Variants in SRGAP2C observed in about 807,000 individuals in gnomAD.
SRGAP2C encodes the protein SLIT-ROBO Rho GTPase-activating protein 2C.
In SRGAP2C, 15 loss-of-function variants were observed where a neutral mutation model predicts 25.1. The ratio of observed to expected loss-of-function variants is 0.60; its 90% CI spans 0.40 to 0.92. The LOEUF (loss-of-function observed/expected upper bound fraction) is 0.92, where lower values mean the gene tolerates loss of function less well. Ranked by LOEUF, SRGAP2C falls within the 40% of genes least tolerant of loss-of-function variation. The pLI is 0.00. For synonymous variants in SRGAP2C, 44 were observed against 96.6 expected, an observed-to-expected ratio of 0.46 and a Z score of 3.19; for missense variants, 144 against 264.4, an observed-to-expected ratio of 0.54 and a Z score of 3.16.
rs1656934014 is a variant in SRGAP2C at position 121,270,905 on chromosome 1, G to A, written c.68-13898G>A. 4.0e-5 allele frequency among the ~76,000 whole-genome samples: 6 copies of A among 149,744 alleles called. No homozygotes were observed. The Admixed American group carries it at 4.0e-4, about 10-fold the overall frequency. ...CCTCCCGGGTTCACGCCATTCTCCT[G>A]CCTCAGCCTCCTGAGTAGCTGGGAC... is the stretch of plus-strand genomic sequence containing the variant. On this transcript the variant is annotated intron_variant, in intron 2 of 9. Transcript: ENST00000367123.
chr1:121,264,858 T>G (rs1268812495), intron 2 of SRGAP2C, among the ~76,000 whole-genome samples: 5 of 113,224 alleles, frequency 4.4e-5, no homozygotes, highest in Non-Finnish European at 9.1e-5. Flanking sequence ...GGAGTCTGAC[T>G]AAAAAGACTT....
chr1:121,212,128 T>G (rs1553323896), intron 2 of SRGAP2C, among the ~76,000 whole-genome samples: 1 of 115,268 alleles, frequency 8.7e-6, no homozygotes, highest in Non-Finnish European at 1.7e-5. Context: ...GCTGTATTTT[T>G]TTTTTTTTTT....
At chr1:121,210,324 A>G (rs56337822) in intron 2 of SRGAP2C, among the ~76,000 whole-genome samples, 28,840 of 150,126 alleles carry the variant, frequency 0.19, 3,418 homozygotes, top group Non-Finnish European at 0.26. Context: ...CTTTAAAAAA[A>G]AAAAAAAAGA....
In SRGAP2C at chr1:121,272,171, A is replaced by AAG. The variant is rs1377349383; in HGVS notation, c.68-12631_68-12630insGA. Among the ~76,000 whole-genome samples the AAG allele has an allele frequency of 1.1e-4, 7 of 64,422 alleles. 1 individual carries two copies. Among genetic ancestry groups the AAG allele is most frequent in the African/African-American group, 4.1e-4 (7 of 17,118 alleles). 42.3% of individuals were successfully genotyped at this position (64,422 alleles called of 152,430 possible). A position where few individuals can be genotyped will look rare whatever the true frequency, so the allele number is the denominator to read the frequency against. On this transcript the variant is annotated intron_variant, in intron 2 of 9. Coordinates refer to ENST00000367123, the MANE Select transcript of SRGAP2C (RefSeq NM_001329984.2). ...GCGAGACTCCATCTCAAAAAAAAAA[A>AAG]AAAAAAAGAAGAAGAAATGTATGTA...
At chr1:121,191,799 G>C (rs1286004888) in intron 2 of SRGAP2C, among the ~76,000 whole-genome samples, 1 of 148,650 alleles carries the variant, frequency 6.7e-6, no homozygotes, top group African/African-American at 2.5e-5. Context: ...GAGATTGACA[G>C]TTCATGCAAA....
intron 2 of SRGAP2C, among the ~76,000 whole-genome samples, chr1:121,222,114 C>G (rs1553325734): frequency 2.0e-5 from 3 of 151,906 alleles, no homozygotes; most frequent in Non-Finnish European, 4.4e-5. Flanking sequence ...GCAACTATCC[C>G]ATACCACCTT....
intron 6 of SRGAP2C, among the ~76,000 whole-genome samples, chr1:121,374,622 T>C (rs1659588702): frequency 6.6e-6 from 1 of 152,160 alleles, no homozygotes; most frequent in East Asian, 1.9e-4. Context: ...GCATCTTAAG[T>C]AGGGAGCCTC....
chr1:121,387,910 G>A lies in SRGAP2C; in HGVS notation c.*55G>A. On this transcript the variant is annotated 3_prime_UTR_variant, in exon 10 of 10. Transcript: ENST00000367123. ...GGGAGATTTGGAACTCAGAGTCCTT[G>A]TTAAGTGTCTGAAGGACAGGCATTG... 2.6e-6 allele frequency: 2 copies of A among 779,500 alleles called. No homozygotes were observed. The highest frequency in any genetic ancestry group is 2.3e-4 in the Middle Eastern group (1 of 4,414). The allele number at this position is 779,500 out of a possible 1,614,324, so 48.3% of individuals were successfully genotyped here.
At chr1:121,334,488 T>G (rs1658470424) in intron 4 of SRGAP2C, among the ~76,000 whole-genome samples, 1 of 150,266 alleles carries the variant, frequency 6.7e-6, no homozygotes, top group Non-Finnish European at 1.5e-5. Flanking sequence ...TTTAAAGAGA[T>G]GGAGTCTCTG....
intron 3 of SRGAP2C, among the ~76,000 whole-genome samples, chr1:121,297,382 AC>A (rs1400844507): frequency 9.2e-6 from 1 of 108,546 alleles, no homozygotes; most frequent in Non-Finnish European, 2.0e-5. Flanking sequence ...TGTGGGAAAA[AC>A]CAGAGCTTTG....
At chr1:121,200,306 G>GTA (rs1553321516) in intron 2 of SRGAP2C, among the ~76,000 whole-genome samples, 1 of 104,040 alleles carries the variant, frequency 9.6e-6, no homozygotes, top group Non-Finnish European at 1.9e-5. Flanking sequence ...GTTGTGTGCA[G>GTA]TACTTAAATT....
At chr1:121,194,675 T>TCCC (rs1400768535) in intron 2 of SRGAP2C, among the ~76,000 whole-genome samples, 1 of 90,948 alleles carries the variant, frequency 1.1e-5, no homozygotes, top group Non-Finnish European at 2.1e-5. Context: ...AGAGCGAGAC[T>TCCC]CCATTTCAAA....
chr1:121,239,778 G>C (rs1553329561), intron 2 of SRGAP2C, among the ~76,000 whole-genome samples: 1 of 152,200 alleles, frequency 6.6e-6, no homozygotes, highest in Non-Finnish European at 1.5e-5. Flanking sequence ...AGTCATACAA[G>C]AGCAGAGTTG....
chr1:121,262,799 AC>A (rs1376989243), intron 2 of SRGAP2C, among the ~76,000 whole-genome samples: 1 of 151,268 alleles, frequency 6.6e-6, no homozygotes, highest in Non-Finnish European at 1.5e-5. Flanking sequence ...ATAATAAAGA[AC>A]TGGGATACGG....
intron 3 of SRGAP2C, among the ~76,000 whole-genome samples, chr1:121,306,211 C>T (rs1234209868): frequency 1.6e-3 from 229 of 143,900 alleles, no homozygotes; most frequent in Non-Finnish European, 2.4e-3. Context: ...TGTGCCAGTG[C>T]CATTGTCTGC....
At chr1:121,237,389 A>C (rs1655985292) in intron 2 of SRGAP2C, among the ~76,000 whole-genome samples, 1 of 152,134 alleles carries the variant, frequency 6.6e-6, no homozygotes, top group African/African-American at 2.4e-5. Flanking sequence ...TCTTTGTGTC[A>C]AAGTTCACTT....
At chr1:121,294,912 C>T (rs2101579237) in intron 3 of SRGAP2C, among the ~76,000 whole-genome samples, 1 of 122,706 alleles carries the variant, frequency 8.1e-6, no homozygotes, top group Non-Finnish European at 1.7e-5. Context: ...GTAGTTCTTT[C>T]CCATATGAAA....
At chr1:121,273,704 G>A (rs1657033801) in intron 2 of SRGAP2C, among the ~76,000 whole-genome samples, 1 of 151,826 alleles carries the variant, frequency 6.6e-6, no homozygotes, top group Non-Finnish European at 1.5e-5. Flanking sequence ...CAGTCCACTG[G>A]GGCAAGGAGG....
chr1:121,384,767 C>A (rs1236533273), intron 8 of SRGAP2C, among the ~76,000 whole-genome samples: 1 of 151,400 alleles, frequency 6.6e-6, no homozygotes, highest in Non-Finnish European at 1.5e-5. Context: ...TTTCCATACT[C>A]CGGAGTGCAG....
Sources: gnomAD v4.1 joint callset for allele counts (sites outside exome capture counted in the v4.1 genomes callset) on GRCh38, gnomAD v4.1.1 for gene constraint, MANE v1.5 for transcripts, NCBI Gene and HGNC (gene_info 2026-07-23, HGNC 2026-07-21) for gene names.